HSD17B4: variants seen among roughly 807,000 people sequenced by gnomAD.
HSD17B4 encodes hydroxysteroid 17-beta dehydrogenase 4.
A neutral mutation model predicts 101.0 loss-of-function variants in HSD17B4; 70 were observed. That is an observed-to-expected ratio of 0.69 (90% CI 0.57 to 0.85). The LOEUF (loss-of-function observed/expected upper bound fraction) is 0.85. Ranked by LOEUF, HSD17B4 falls within the 40% of genes least tolerant of loss-of-function variation. The pLI is 0.00. For missense variants in HSD17B4, 984 were observed against 892.4 expected, an observed-to-expected ratio of 1.10 and a Z score of -1.31; for synonymous variants, 347 against 297.1, an observed-to-expected ratio of 1.17 and a Z score of -1.73.
Position 119,463,655 on chromosome 5 carries a change from C to CTTTTT in HSD17B4, c.112+7313_112+7317dup, listed in dbSNP as rs57252147. 8.5e-3 allele frequency among the ~76,000 whole-genome samples: 253 copies of CTTTTT among 29,706 alleles called. 46 individuals are homozygous for CTTTTT. The highest frequency in any genetic ancestry group is 0.017 in the Non-Finnish European group (215 of 12,400). 19.5% of individuals were successfully genotyped at this position (29,706 alleles called of 152,430 possible). On this transcript the variant is annotated intron_variant, in intron 2 of 23. Transcript: ENST00000510025. The stretch of plus-strand genomic sequence containing the variant: ...ATATACTTCTTGGCCATTTATATGT[C>CTTTTT]TTTTTTTTTTTTTTTTTTTTTTTTT...
intron 17 of HSD17B4, among the ~76,000 whole-genome samples, chr5:119,520,065 G>A (rs1295909419): frequency 2.0e-5 from 3 of 151,794 alleles, no homozygotes; most frequent in Non-Finnish European, 4.4e-5. Context: ...GATTATTTGT[G>A]GGTGAAAGTT....
intron 8 of HSD17B4, among the ~76,000 whole-genome samples, chr5:119,484,540 A>G (rs1580579628): frequency 6.6e-6 from 1 of 152,296 alleles, no homozygotes; most frequent in East Asian, 1.9e-4. Context: ...ACTATGGAGA[A>G]CTGTGGCTTT....
intron 14 of HSD17B4, 66 bp from the exon 15 acceptor site, chr5:119,506,752 T>C (rs1038084485): frequency 2.2e-6 from 2 of 895,126 alleles, no homozygotes; most frequent in African/African-American, 3.3e-5. Context: ...TATTAAATTC[T>C]TTCACATCTT....
At chr5:119,524,466 G>T (rs1249096265) in intron 17 of HSD17B4, among the ~76,000 whole-genome samples, 1 of 152,138 alleles carries the variant, frequency 6.6e-6, no homozygotes, top group Non-Finnish European at 1.5e-5. Context: ...TGACCTAAAA[G>T]GGTCGGTCAA....
intron 2 of HSD17B4, among the ~76,000 whole-genome samples, chr5:119,461,621 C>T (rs557923640): frequency 6.6e-6 from 1 of 151,980 alleles, no homozygotes; most frequent in Admixed American, 6.5e-5. Flanking sequence ...GTGGCTCACG[C>T]CTGTAATCCC....
intron 17 of HSD17B4, among the ~76,000 whole-genome samples, chr5:119,519,934 A>G (rs561529853): frequency 1.4e-4 from 21 of 152,334 alleles, no homozygotes; most frequent in Admixed American, 9.8e-4. Context: ...CTGAGATATT[A>G]CTGACAGCCA....
chr5:119,541,287 C>T (rs1055879522), intron 23 of HSD17B4, among the ~76,000 whole-genome samples: 2 of 151,704 alleles, frequency 1.3e-5, no homozygotes, highest in African/African-American at 2.4e-5. Context: ...TTATTTAACA[C>T]GCACAACAGA....
chr5:119,501,569 G>C (rs1276433319), intron 13 of HSD17B4, among the ~76,000 whole-genome samples: 1 of 152,112 alleles, frequency 6.6e-6, no homozygotes, highest in Non-Finnish European at 1.5e-5. Flanking sequence ...CACATTGACA[G>C]TGCTTTCATT....
intron 17 of HSD17B4, among the ~76,000 whole-genome samples, chr5:119,524,613 A>T (rs917637243): frequency 6.6e-6 from 1 of 152,142 alleles, no homozygotes; most frequent in African/African-American, 2.4e-5. Flanking sequence ...CCCTATTGTT[A>T]TCCAGGCCAC....
intron 21 of HSD17B4, among the ~76,000 whole-genome samples, chr5:119,530,852 AAAAAAAAAAAAC>A (rs1215828785): frequency 6.9e-6 from 1 of 144,404 alleles, no homozygotes; most frequent in Non-Finnish European, 1.5e-5. Context: ...TCTCAAAAAA[AAAAAAAAAAAAC>A]AAAAAACAAA....
chr5:119,525,896 C>T (rs781550754), intron 18 of HSD17B4, 21 bp from the exon 19 acceptor site: 18 of 1,373,690 alleles, frequency 1.3e-5, no homozygotes, highest in South Asian at 3.5e-5. Flanking sequence ...GTATCTAACT[C>T]AGTGTTCTCT....
Position 119,477,636 on chromosome 5 carries a change from GT to G in HSD17B4, c.434+139del. 4.1e-6 allele frequency: 3 copies of G among 728,464 alleles called. No homozygotes were observed. In the South Asian group the frequency reaches 4.5e-5, roughly 11 times the overall value. 45.1% of individuals were successfully genotyped at this position (728,464 alleles called of 1,614,324 possible). The stretch of plus-strand genomic sequence containing the variant: ...AATATGTACAACCTTTTAACATATG[GT>G]TTTGGCACATACCCTCATTAAATTG... On this transcript the variant is annotated intron_variant, in intron 7 of 23. Coordinates refer to ENST00000510025, the MANE Select transcript of HSD17B4 (RefSeq NM_000414.4).
intron 18 of HSD17B4, chr5:119,525,708 G>GTTTTTTTTTTTT: frequency 1.8e-6 from 1 of 564,874 alleles, no homozygotes; most frequent in Non-Finnish European, 3.1e-6. Context: ...TTCTTTTCCT[G>GTTTTTTTTTTTT]TTTTGTTTTT....
At chr5:119,503,366 C>CA (rs1433581574) in intron 14 of HSD17B4, among the ~76,000 whole-genome samples, 1 of 151,980 alleles carries the variant, frequency 6.6e-6, no homozygotes, top group Non-Finnish European at 1.5e-5. Flanking sequence ...ATAACTTTTT[C>CA]ATTTTTTTTT....
At chr5:119,510,167 T>C (rs897171636) in intron 16 of HSD17B4, among the ~76,000 whole-genome samples, 1 of 152,206 alleles carries the variant, frequency 6.6e-6, no homozygotes, top group Non-Finnish European at 1.5e-5. Context: ...CAACATATTT[T>C]ATATATAGAA....
intron 2 of HSD17B4, among the ~76,000 whole-genome samples, chr5:119,471,132 G>T (rs375494395): frequency 6.6e-6 from 1 of 152,108 alleles, no homozygotes; most frequent in Non-Finnish European, 1.5e-5. Flanking sequence ...CTTAAAAAGG[G>T]TCATAAAAGA....
At chr5:119,505,373 A>G (rs571066983) in intron 14 of HSD17B4, among the ~76,000 whole-genome samples, 36 of 152,182 alleles carry the variant, frequency 2.4e-4, no homozygotes, top group African/African-American at 8.7e-4. Context: ...CTTCCAACCC[A>G]TGAGTATGGA....
chr5:119,506,707 G>GT lies in HSD17B4; in HGVS notation c.1262-105dup, dbSNP rs1751683777. On this transcript the variant is annotated intron_variant, in intron 14 of 23. Coordinates refer to ENST00000510025, the MANE Select transcript of HSD17B4 (RefSeq NM_000414.4). ...TTCAGGAACACTATTTCAAACCATAGTTTTTTAGTTTTGCTGAGCTTACAG... is the reference window on the plus strand; with the variant it reads ...TTCAGGAACACTATTTCAAACCATAGTTTTTTTAGTTTTGCTGAGCTTACAG... 1.1e-5 allele frequency: 7 copies of GT among 631,146 alleles called. No individual in the cohort carries two copies. The South Asian group carries it at 1.2e-4, about 11-fold the overall frequency. The allele number at this position is 631,146 out of a possible 1,614,324, so 39.1% of individuals were successfully genotyped here. A position where few individuals can be genotyped will look rare whatever the true frequency, so the allele number is the denominator to read the frequency against.
rs1561442127 is a variant in HSD17B4 at position 119,475,717 on chromosome 5, A to G, written c.292A>G (p.Asn98Asp). The G allele has an allele frequency of 6.3e-7, 1 of 1,599,156 alleles. No homozygotes were observed. The highest frequency in any genetic ancestry group is 1.1e-5 in the South Asian group (1 of 90,716). ...DAFGRIDVVV[N>D]NAGILRDRSF... ...TTTTTATATTGTAGATGTTGTGGTC[A>G]ACAATGCTGGGTGAGTATTTCTTTT... is the stretch of plus-strand genomic sequence containing the variant. Residue 98 changes from asparagine (N) to aspartate (D), a missense_variant, in exon 5 of 24, where the codon AAC becomes GAC. Asn to Asp is a conservative substitution (Grantham distance 23). Coordinates refer to ENST00000510025, the MANE Select transcript of HSD17B4 (RefSeq NM_000414.4).
Sources: allele counts gnomAD v4.1 joint callset (sites outside exome capture counted in the v4.1 genomes callset), GRCh38; gene constraint gnomAD v4.1.1; transcripts MANE v1.5; gene names NCBI Gene and HGNC (gene_info 2026-07-23, HGNC 2026-07-21).